Variants in SSBP3 observed in about 807,000 individuals in gnomAD.
SSBP3 encodes the protein single stranded DNA binding protein 3.
A neutral mutation model predicts 69.6 loss-of-function variants in SSBP3; 5 were observed. The observed-to-expected ratio is 0.07, with a 90% CI of 0.04 to 0.15. The LOEUF (loss-of-function observed/expected upper bound fraction) is 0.15. Ranked by LOEUF, SSBP3 falls within the 10% of genes least tolerant of loss-of-function variation. The pLI is 1.00. For missense variants in SSBP3, 312 were observed against 534.0 expected, an observed-to-expected ratio of 0.58 and a Z score of 4.10; for synonymous variants, 196 against 193.4, an observed-to-expected ratio of 1.01 and a Z score of -0.11.
At chr1:54,255,775 T>A (rs1448554337) in intron 7 of SSBP3, 1 of 152,046 alleles carries the variant, frequency 6.6e-6, no homozygotes, top group African/African-American at 2.4e-5. Context: ...CAATTTAGCA[T>A]TAAAGCTGGA....
exon 18 of SSBP3, chr1:54,226,989 G>A: frequency 1.3e-6 from 1 of 772,548 alleles, no homozygotes; most frequent in Non-Finnish European, 2.4e-6. Flanking sequence ...TAGGGGGCGT[G>A]GATGGGGTGG....
rs568863760 is a variant in SSBP3, at chr1:54,347,587, C to T, written c.276+54274G>A. Among the ~76,000 whole-genome samples, 178 of 152,242 alleles carry T rather than the reference C, an allele frequency of 1.2e-3. 3 individuals are homozygous for T. The highest frequency in any genetic ancestry group is 4.2e-3 in the African/African-American group (174 of 41,542). ...GGCTGAACCTGCAGATGTGGAAGGC[C>T]GATTCTACATCCTTTTGCAAGTATC... On this transcript the variant is annotated intron_variant, in intron 4 of 17. Coordinates refer to ENST00000610401, the Ensembl canonical transcript of SSBP3.
intron 13 of SSBP3, among the ~76,000 whole-genome samples, chr1:54,240,043 ATG>A (rs201923737): frequency 2.8e-5 from 3 of 108,714 alleles, no homozygotes; most frequent in Admixed American, 9.2e-5. Context: ...CATAATTGTG[ATG>A]GGGTGTGTGT....
intron 4 of SSBP3, among the ~76,000 whole-genome samples, chr1:54,332,417 C>T (rs1646434049): frequency 1.3e-5 from 2 of 152,074 alleles, no homozygotes; most frequent in African/African-American, 2.4e-5. Context: ...GCCAGGAGAC[C>T]TGAGTCTAGT....
chr1:54,227,413 C>T (rs1047118156), intron 17 of SSBP3, among the ~76,000 whole-genome samples: 3 of 152,236 alleles, frequency 2.0e-5, no homozygotes, highest in East Asian at 1.9e-4. Flanking sequence ...AGGCAGCTGA[C>T]GGCGCCTCCC....
At chr1:54,272,725 C>T (rs1259405850) in intron 5 of SSBP3, among the ~76,000 whole-genome samples, 2 of 152,216 alleles carry the variant, frequency 1.3e-5, no homozygotes, top group Admixed American at 1.3e-4. Context: ...GAGCAGCTTC[C>T]AGGCACAGGG....
intron 4 of SSBP3, among the ~76,000 whole-genome samples, chr1:54,302,697 A>T (rs1005321319): frequency 1.3e-5 from 2 of 152,232 alleles, no homozygotes; most frequent in Non-Finnish European, 2.9e-5. Flanking sequence ...AGGAATAACA[A>T]CTCACCACTT....
rs561442024 is a variant in SSBP3 at position 54,404,645 on chromosome 1, G to A, written c.130-8C>T. ...GTTTTTTTCCCATCGAATCTGGAAA[G>A]GTAAGAGCAGAAGCAGCTTAGAGGA... On this transcript the variant is annotated splice_polypyrimidine_tract_variant and splice_region_variant and intron_variant, in intron 2 of 17. Transcript: ENST00000610401. 79 of 1,613,962 alleles carry A rather than the reference G, an allele frequency of 4.9e-5. 1 individual carries two copies. The highest frequency in any genetic ancestry group is 2.4e-4 in the African/African-American group (18 of 75,040).
At chr1:54,336,312 G>A (rs979557132) in intron 4 of SSBP3, among the ~76,000 whole-genome samples, 4 of 152,184 alleles carry the variant, frequency 2.6e-5, no homozygotes, top group Non-Finnish European at 5.9e-5. Flanking sequence ...CCCCACGTTG[G>A]GGGACTCACC....
intron 14 of SSBP3, among the ~76,000 whole-genome samples, chr1:54,234,705 T>C (rs1644455520): frequency 6.6e-6 from 1 of 152,224 alleles, no homozygotes; most frequent in African/African-American, 2.4e-5. Flanking sequence ...CTCTGCTTTC[T>C]TTCCCACTGG....
At chr1:54,290,669 T>C (rs4927081) in intron 4 of SSBP3, among the ~76,000 whole-genome samples, 97,677 of 152,042 alleles carry the variant, frequency 0.64, 31,696 homozygotes, top group East Asian at 0.77. Flanking sequence ...GCCCCATGTA[T>C]TTAATAATTA....
chr1:54,234,150 A>AT (rs1176459174), intron 14 of SSBP3, among the ~76,000 whole-genome samples: 1 of 151,432 alleles, frequency 6.6e-6, no homozygotes, highest in African/African-American at 2.4e-5. Flanking sequence ...TGAAGGCAGC[A>AT]TGCTCGTTAA....
chr1:54,246,723 C>A (rs1644740824), intron 9 of SSBP3, among the ~76,000 whole-genome samples: 1 of 152,246 alleles, frequency 6.6e-6, no homozygotes, highest in Non-Finnish European at 1.5e-5. Flanking sequence ...GAGCCACTTG[C>A]ACCTCATCAT....
chr1:54,318,090 T>C (rs986124928), intron 4 of SSBP3, among the ~76,000 whole-genome samples: 6 of 152,176 alleles, frequency 3.9e-5, no homozygotes, highest in African/African-American at 1.4e-4. Flanking sequence ...TTCTATGCCA[T>C]CTACCTCATC....
At chr1:54,373,636 G>A (rs934180566) in intron 4 of SSBP3, among the ~76,000 whole-genome samples, 1 of 152,114 alleles carries the variant, frequency 6.6e-6, no homozygotes, top group African/African-American at 2.4e-5. Flanking sequence ...ATGTGGCGGC[G>A]CATGCCTGTA....
At chr1:54,249,784 GAA>G (rs34204635) in intron 9 of SSBP3, among the ~76,000 whole-genome samples, 2 of 145,464 alleles carry the variant, frequency 1.4e-5, no homozygotes, top group African/African-American at 2.5e-5. Flanking sequence ...CCTGTTAAAA[GAA>G]AAAAAAAAAG....
At chr1:54,327,216 AAAAGGAAGGAAGGAAG>A (rs1431159756) in intron 4 of SSBP3, among the ~76,000 whole-genome samples, 1 of 98,226 alleles carries the variant, frequency 1.0e-5, no homozygotes, top group Non-Finnish European at 2.0e-5. Context: ...AAAGAGAGGG[AAAAGGAAGGAAGGAAG>A]GAAGGAAGGA....
chr1:54,320,404 G>A (rs1164621148), intron 4 of SSBP3, among the ~76,000 whole-genome samples: 2 of 152,198 alleles, frequency 1.3e-5, no homozygotes, highest in African/African-American at 4.8e-5. Flanking sequence ...TGCAACCTCC[G>A]CCTCCTGGGT....
chr1:54,245,215 ATG>A (rs1644712242), intron 9 of SSBP3, among the ~76,000 whole-genome samples: 1 of 152,176 alleles, frequency 6.6e-6, no homozygotes, highest in Non-Finnish European at 1.5e-5. Context: ...GACACACTTT[ATG>A]TACAGTCTCT....
Sources: allele counts gnomAD v4.1 joint callset (sites outside exome capture counted in the v4.1 genomes callset), GRCh38; gene constraint gnomAD v4.1.1; transcripts MANE v1.5; gene names NCBI Gene and HGNC (gene_info 2026-07-23, HGNC 2026-07-21).